Variants in ANK3 observed in about 807,000 individuals in gnomAD.
ANK3 encodes ankyrin-3.
ANK3 carries 57 observed loss-of-function variants against 370.9 expected under a neutral mutation model. The observed-to-expected ratio is 0.15, with a 90% CI of 0.12 to 0.19. The LOEUF is 0.19. ANK3 is among the 10% of genes least tolerant of loss of function. The pLI, the probability that ANK3 is intolerant of heterozygous loss-of-function variation, is 1.00. For missense variants in ANK3, 4,439 were observed against 5,302.1 expected, an observed-to-expected ratio of 0.84 and a Z score of 5.06; for synonymous variants, 1,929 against 1,946.3, an observed-to-expected ratio of 0.99 and a Z score of 0.23.
chr10:60,336,564 G>T (rs1231397488), intron 1 of ANK3, among the ~76,000 whole-genome samples: 1 of 150,460 alleles, frequency 6.6e-6, no homozygotes, highest in Non-Finnish European at 1.5e-5. Flanking sequence ...GGAATCTGGA[G>T]ATCTATCTAT....
chr10:60,684,816 T>C, intron 1 of ANK3: 1 of 1,533,680 alleles, frequency 6.5e-7, no homozygotes, highest in Non-Finnish European at 8.9e-7. Context: ...ACTCTGTTGA[T>C]ATCGAAAGGA....
At chr10:60,543,653 T>C (rs894747132) in intron 2 of ANK3, among the ~76,000 whole-genome samples, 2 of 152,228 alleles carry the variant, frequency 1.3e-5, no homozygotes, top group East Asian at 1.9e-4. Context: ...CCACTATTTA[T>C]ACATTTTTAT....
At chr10:60,659,762 A>G (rs1330992192) in intron 1 of ANK3, among the ~76,000 whole-genome samples, 5 of 152,160 alleles carry the variant, frequency 3.3e-5, no homozygotes, top group Non-Finnish European at 7.4e-5. Context: ...AAATGCAAGT[A>G]GGAAAAGACA....
intron 18 of ANK3, among the ~76,000 whole-genome samples, chr10:60,177,456 A>G (rs2096001546): frequency 6.6e-6 from 1 of 152,056 alleles, no homozygotes; most frequent in Admixed American, 6.6e-5. Flanking sequence ...CTCTTTCCCC[A>G]GCTGGCTTTG....
chr10:60,064,952 C>T (rs2081347070), intron 38 of ANK3, among the ~76,000 whole-genome samples: 1 of 152,212 alleles, frequency 6.6e-6, no homozygotes, highest in South Asian at 2.1e-4. Context: ...GAGCAAATTA[C>T]AAGATACGTA....
Position 60,215,419 on chromosome 10 carries a change from A to T in ANK3, c.898-1909T>A, listed in dbSNP as rs1354045025. Among the ~76,000 whole-genome samples, 5 of 152,108 alleles carry T rather than the reference A, an allele frequency of 3.3e-5. No individual in the cohort carries two copies. In the East Asian group the frequency reaches 7.7e-4, roughly 23 times the overall value. ...TGCCATTGCTTTTGGCGTTTTTGTCATGAAATCTTTGCCCATGCCTACGTG... is the reference window on the plus strand; with the variant it reads ...TGCCATTGCTTTTGGCGTTTTTGTCTTGAAATCTTTGCCCATGCCTACGTG... On this transcript the variant is annotated intron_variant, in intron 8 of 43. Transcript: ENST00000280772.
chr10:60,432,229 A>C (rs186117724), intron 2 of ANK3, among the ~76,000 whole-genome samples: 49 of 152,304 alleles, frequency 3.2e-4, no homozygotes, highest in Non-Finnish European at 1.5e-5. Context: ...TAACATATGA[A>C]TGGTAATTTT....
At chr10:60,596,071 CCCT>C (rs1198711516) in intron 2 of ANK3, among the ~76,000 whole-genome samples, 2 of 152,080 alleles carry the variant, frequency 1.3e-5, no homozygotes, top group Non-Finnish European at 2.9e-5. Flanking sequence ...TGTACAGCAT[CCCT>C]GCTAAGAGGC....
chr10:60,335,763 T>C (rs2052677513), intron 1 of ANK3, among the ~76,000 whole-genome samples: 1 of 152,172 alleles, frequency 6.6e-6, no homozygotes. Flanking sequence ...ATAGTATAAT[T>C]GATTTGTAAA....
At chr10:60,165,506 G>A (rs2095602819) in intron 23 of ANK3, among the ~76,000 whole-genome samples, 1 of 152,150 alleles carries the variant, frequency 6.6e-6, no homozygotes, top group Admixed American at 6.6e-5. Flanking sequence ...ATGACCAGCA[G>A]GACATTAGCT....
chr10:60,733,141 G>T (rs1352337805), intron 1 of ANK3: 5 of 830,432 alleles, frequency 6.0e-6, no homozygotes, highest in Non-Finnish European at 8.0e-6. Context: ...TCGCGGCGCC[G>T]CCTGGCACCC....
chr10:60,272,064 T>C (rs924810590), intron 4 of ANK3, among the ~76,000 whole-genome samples: 3 of 149,448 alleles, frequency 2.0e-5, no homozygotes, highest in African/African-American at 7.5e-5. Flanking sequence ...ACATGAAGCA[T>C]GGAGTACTTG....
chr10:60,419,976 A>G (rs1229872266), intron 2 of ANK3, among the ~76,000 whole-genome samples: 1 of 152,118 alleles, frequency 6.6e-6, no homozygotes, highest in East Asian at 1.9e-4. Context: ...GTAGCAAATT[A>G]GCCAATGACC....
chr10:60,240,306 A>ATATATATATATTTTT (rs11282162), intron 7 of ANK3, among the ~76,000 whole-genome samples: 11 of 119,752 alleles, frequency 9.2e-5, no homozygotes, highest in Middle Eastern at 4.7e-3. Flanking sequence ...ATATATATAT[A>ATATATATATATTTTT]TTTTTTTTTC....
At chr10:60,539,284 C>T (rs1156896159) in intron 2 of ANK3, among the ~76,000 whole-genome samples, 1 of 151,882 alleles carries the variant, frequency 6.6e-6, no homozygotes, top group African/African-American at 2.4e-5. Context: ...CAGATATACA[C>T]TATAATACCA....
intron 1 of ANK3, among the ~76,000 whole-genome samples, chr10:60,350,273 C>T (rs114020889): frequency 0.013 from 2,043 of 152,192 alleles, 44 homozygotes; most frequent in African/African-American, 0.044. Flanking sequence ...AAGGTTTTGG[C>T]TTTAAGGAGA....
intron 1 of ANK3, among the ~76,000 whole-genome samples, chr10:60,631,974 T>C (rs970353494): frequency 6.6e-6 from 1 of 152,148 alleles, no homozygotes; most frequent in African/African-American, 2.4e-5. Context: ...CACCTAGATA[T>C]TATCAAGTGC....
At chr10:60,350,468 C>T (rs1399336616) in intron 1 of ANK3, among the ~76,000 whole-genome samples, 1 of 152,156 alleles carries the variant, frequency 6.6e-6, no homozygotes, top group Non-Finnish European at 1.5e-5. Flanking sequence ...GCAGACAGGA[C>T]AGATAAGAAG....
intron 2 of ANK3, among the ~76,000 whole-genome samples, chr10:60,458,260 C>A (rs1372130639): frequency 2.0e-5 from 3 of 152,032 alleles, no homozygotes; most frequent in Non-Finnish European, 4.4e-5. Flanking sequence ...CTAGCTTCTC[C>A]CACAGTAATC....
Sources: gnomAD v4.1 joint callset for allele counts (sites outside exome capture counted in the v4.1 genomes callset) on GRCh38, gnomAD v4.1.1 for gene constraint, MANE v1.5 for transcripts, NCBI Gene and HGNC (gene_info 2026-07-23, HGNC 2026-07-21) for gene names.